The following WRNIP1 variants were observed in gnomAD, a reference collection of about 807,000 sequenced individuals.
WRNIP1 encodes ATPase WRNIP1.
In WRNIP1, 41 loss-of-function variants were observed where a neutral mutation model predicts 56.1. The observed-to-expected ratio is 0.73, with a 90% CI of 0.57 to 0.95. The LOEUF (loss-of-function observed/expected upper bound fraction) is 0.95, where lower values mean the gene tolerates loss of function less well. WRNIP1 is among the 40% of genes least tolerant of loss of function. The pLI, the probability that WRNIP1 is intolerant of heterozygous loss-of-function variation, is 0.00. For missense variants in WRNIP1, 1,170 were observed against 939.4 expected, an observed-to-expected ratio of 1.25 and a Z score of -3.21; for synonymous variants, 547 against 398.1, an observed-to-expected ratio of 1.37 and a Z score of -4.45.
At chr6:2,773,817 G>A (rs1765368792) in intron 3 of WRNIP1, 1 of 967,786 alleles carries the variant, frequency 1.0e-6, no homozygotes, top group Non-Finnish European at 1.2e-6. Context: ...AGTCTTTGGA[G>A]ATCAAGAGAG....
intron 5 of WRNIP1, 26 bp downstream of exon 5, chr6:2,783,587 G>A (rs1189697700): frequency 2.3e-6 from 3 of 1,324,606 alleles, no homozygotes; most frequent in Non-Finnish European, 3.0e-6. Context: ...GGGTCCCGGA[G>A]TCCTATGTCC....
At chr6:2,776,021 A>G (rs188316982) in intron 3 of WRNIP1, among the ~76,000 whole-genome samples, 17 of 152,250 alleles carry the variant, frequency 1.1e-4, no homozygotes, top group South Asian at 2.1e-4. Context: ...ATTTTAATAT[A>G]TGCTTAAATT....
intron 3 of WRNIP1, among the ~76,000 whole-genome samples, chr6:2,771,727 C>A (rs1256523130): frequency 6.6e-6 from 1 of 152,066 alleles, no homozygotes; most frequent in Non-Finnish European, 1.5e-5. Context: ...AAATTCAGAC[C>A]ACTTCTGGTC....
At chr6:2,771,763 CAT>C (rs1446634949) in intron 3 of WRNIP1, among the ~76,000 whole-genome samples, 6 of 152,162 alleles carry the variant, frequency 3.9e-5, no homozygotes, top group African/African-American at 1.4e-4. Flanking sequence ...GTGGGATACT[CAT>C]GTGTAGGTTT....
rs148910619 is a variant in WRNIP1 at position 2,766,326 on chromosome 6, C to T, written c.704C>T (p.Thr235Met). Residue 235 changes from threonine to methionine, a missense_variant, in exon 1 of 7, where the codon ACG (threonine) becomes ATG (methionine). Physicochemically the swap from Thr to Met is moderately conservative, Grantham distance 81. Coordinates refer to ENST00000380773, the MANE Select transcript of WRNIP1 (RefSeq NM_020135.3). ...KPLADTMRPDTLQDYFGQSKA... is the reference protein window; with the variant it reads ...KPLADTMRPDMLQDYFGQSKA... ...CTGGCCGACACGATGCGTCCTGACA[C>T]GCTGCAGGATTACTTCGGGCAGAGC... 26 of 1,610,738 alleles carry T rather than the reference C, an allele frequency of 1.6e-5. No homozygotes were observed. The African/African-American group carries it at 1.9e-4, about 12-fold the overall frequency.
rs760033134 is a variant in WRNIP1 at position 2,768,761 on chromosome 6, C to T, written c.893C>T (p.Thr298Ile). Residue 298 changes from threonine to isoleucine, a missense_variant, in exon 2 of 7, where the codon ACA (threonine) becomes ATA (isoleucine). Physicochemically the swap from Thr to Ile is moderately conservative, Grantham distance 89 (BLOSUM62 -1). Transcript: ENST00000380773. ...ATAAGGTTTGTGACATTATCTGCAA[C>T]AAATGCCAAGACAAATGATGTGCGA... ...HSIRFVTLSA[T>I]NAKTNDVRDV... The T allele has an allele frequency of 5.0e-6, 8 of 1,613,804 alleles. No homozygotes were observed. Among genetic ancestry groups the T allele is most frequent in the Non-Finnish European group, 6.8e-6 (8 of 1,179,820 alleles).
In WRNIP1 at chr6:2,786,138, A is replaced by G. The variant is rs900744393; in HGVS notation, c.*856A>G. ...ACTTCCTCTCCCTCTCCTTAGTTGCATGTCGTGCATATGCCCACAAGGATG... is the reference window on the plus strand; with the variant it reads ...ACTTCCTCTCCCTCTCCTTAGTTGCGTGTCGTGCATATGCCCACAAGGATG... On this transcript the variant is annotated 3_prime_UTR_variant, in exon 7 of 7. Transcript: ENST00000380773. The G allele has an allele frequency of 1.3e-5, 2 of 152,244 alleles. No homozygotes were observed. Among genetic ancestry groups the G allele is most frequent in the African/African-American group, 4.8e-5 (2 of 41,424 alleles). The allele number at this position is 152,244 out of a possible 1,614,324, so 9.4% of individuals were successfully genotyped here.
At position 2,766,452 on chromosome 6, in the gene WRNIP1, C is replaced by A. The variant is rs759014200; in HGVS notation, c.822+8C>A. ...CCGCCGGGCTGCGGCAAGGTGAGTG[C>A]GGCCTTGGCCGTTGGGCTTCCGTAG... is the stretch of plus-strand genomic sequence containing the variant. On this transcript the variant is annotated splice_region_variant and intron_variant, in intron 1 of 6. Coordinates refer to ENST00000380773, the MANE Select transcript of WRNIP1 (RefSeq NM_020135.3). 2 of 1,510,000 alleles carry A rather than the reference C, an allele frequency of 1.3e-6. No individual in the cohort carries two copies. Among genetic ancestry groups the A allele is most frequent in the Non-Finnish European group, 1.8e-6 (2 of 1,117,558 alleles). 93.5% of individuals were successfully genotyped at this position (1,510,000 alleles called of 1,614,324 possible).
chr6:2,766,051 G>T lies in WRNIP1; in HGVS notation c.429G>T (p.Pro143=), dbSNP rs1253855668. ...SPGRKGSGKR[P]AAAAAAGSAS... ...GGAGGAAGGGGTCGGGGAAGAGGCC[G>T]GCGGCCGCCGCCGCGGCGGGGAGCG... Residue 143 remains proline, a synonymous_variant, in exon 1 of 7, where the codon CCG becomes CCT. Transcript: ENST00000380773. 1.5e-5 allele frequency: 19 copies of T among 1,295,442 alleles called. 1 individual carries two copies. The highest frequency in any genetic ancestry group is 2.9e-4 in the Middle Eastern group (1 of 3,400). 80.2% of individuals were successfully genotyped at this position (1,295,442 alleles called of 1,614,324 possible). A position where few individuals can be genotyped will look rare whatever the true frequency, so the allele number is the denominator to read the frequency against.
In WRNIP1 at chr6:2,766,415, A is replaced by C; in HGVS notation, c.793A>C (p.Ile265Leu). 6.3e-7 allele frequency: 1 copy of C among 1,596,698 alleles called. No homozygotes were observed. Among genetic ancestry groups the C allele is most frequent in the Non-Finnish European group, 8.5e-7 (1 of 1,169,766 alleles). Residue 265 changes from isoleucine (I) to leucine (L), a missense_variant, in exon 1 of 7, where the codon ATC (isoleucine) becomes CTC (leucine). By Grantham distance (5) the Ile-to-Leu change is conservative (BLOSUM62 2). Coordinates refer to ENST00000380773, the MANE Select transcript of WRNIP1 (RefSeq NM_020135.3). ...LLETNEIPSL[I>L]LWGPPGCGKT... ...GGAGACCAACGAAATCCCCTCGCTT[A>C]TCCTGTGGGGGCCGCCGGGCTGCGG...
At chr6:2,780,241 C>T (rs980559365) in intron 4 of WRNIP1, among the ~76,000 whole-genome samples, 3 of 152,198 alleles carry the variant, frequency 2.0e-5, no homozygotes, top group Non-Finnish European at 4.4e-5. Context: ...AATATAATTT[C>T]CACACTTTTC....
At chr6:2,769,928 T>G (rs190563020) in intron 2 of WRNIP1, among the ~76,000 whole-genome samples, 192 bp from the exon 3 acceptor site, 3 of 152,304 alleles carry the variant, frequency 2.0e-5, no homozygotes, top group Admixed American at 6.5e-5. Flanking sequence ...AGAAGATGTG[T>G]TTCAGACTTA....
In WRNIP1 at chr6:2,785,372, G is replaced by T; in HGVS notation, c.*90G>T. On this transcript the variant is annotated 3_prime_UTR_variant, in exon 7 of 7. Transcript: ENST00000380773. ...GGATTGCAAAGTTGGTTGCCTGGTG[G>T]AAGTTAGAACAGACCAACATTTTGT... 1 of 1,494,054 alleles carries T rather than the reference G, an allele frequency of 6.7e-7. No homozygotes were observed. Among genetic ancestry groups the T allele is most frequent in the Non-Finnish European group, 9.0e-7 (1 of 1,105,506 alleles). 92.5% of individuals were successfully genotyped at this position (1,494,054 alleles called of 1,614,324 possible). A position where few individuals can be genotyped will look rare whatever the true frequency, so the allele number is the denominator to read the frequency against.
At position 2,784,844 on chromosome 6, in the gene WRNIP1, C is replaced by T. The variant is rs186108148; in HGVS notation, c.1723-163C>T. 2.1e-3 allele frequency among the ~76,000 whole-genome samples: 321 copies of T among 152,258 alleles called. 1 individual carries two copies. The highest frequency in any genetic ancestry group is 7.3e-3 in the African/African-American group (303 of 41,540). ...TCGTTTCACCTCATGAGAATTTCTT[C>T]TGTCTGTCGTAGGTGGTTATCCAGA... On this transcript the variant is annotated intron_variant, in intron 6 of 6. Coordinates refer to ENST00000380773, the MANE Select transcript of WRNIP1 (RefSeq NM_020135.3).
rs920997178 is a variant in WRNIP1, at chr6:2,766,038, C to T, written c.416C>T (p.Ser139Leu). Residue 139 changes from serine (S) to leucine (L), a missense_variant, in exon 1 of 7, where the codon TCG (serine) becomes TTG (leucine). Ser to Leu is a moderately radical substitution (Grantham distance 145). Coordinates refer to ENST00000380773, the MANE Select transcript of WRNIP1 (RefSeq NM_020135.3). ...ARSSSPGRKG[S>L]GKRPAAAAAA... ...TCCAGCAGCCCCGGGAGGAAGGGGT[C>T]GGGGAAGAGGCCGGCGGCCGCCGCC... is the stretch of plus-strand genomic sequence containing the variant. 1 of 1,303,650 alleles carries T rather than the reference C, an allele frequency of 7.7e-7. No individual in the cohort carries two copies. The highest frequency in any genetic ancestry group is 9.7e-7 in the Non-Finnish European group (1 of 1,030,720). The allele number at this position is 1,303,650 out of a possible 1,614,324, so 80.8% of individuals were successfully genotyped here.
intron 4 of WRNIP1, among the ~76,000 whole-genome samples, chr6:2,780,899 ACACT>A (rs1307169519): frequency 6.6e-6 from 1 of 152,192 alleles, no homozygotes; most frequent in Non-Finnish European, 1.5e-5. Flanking sequence ...GCATTCACTA[ACACT>A]CAGCCATTGA....
intron 3 of WRNIP1, among the ~76,000 whole-genome samples, chr6:2,772,317 G>T (rs1765316569): frequency 6.6e-6 from 1 of 152,144 alleles, no homozygotes; most frequent in South Asian, 2.1e-4. Context: ...TCCAGTAAAT[G>T]ATTTACTATT....
rs1294832293 is a variant in WRNIP1, at chr6:2,768,752, T to C, written c.884T>C (p.Leu295Ser). The change falls in exon 2 of 7, where the codon TTA becomes TCA. Residue 295 changes from leucine to serine, a missense_variant. Coordinates refer to ENST00000380773, the MANE Select transcript of WRNIP1 (RefSeq NM_020135.3). ...SKKHSIRFVTLSATNAKTNDV... is the reference protein window; with the variant it reads ...SKKHSIRFVTSSATNAKTNDV... ...AAACATAGCATAAGGTTTGTGACAT[T>C]ATCTGCAACAAATGCCAAGACAAAT... The C allele has an allele frequency of 1.2e-6, 2 of 1,614,042 alleles. No homozygotes were observed. The highest frequency in any genetic ancestry group is 8.5e-7 in the Non-Finnish European group (1 of 1,179,940).
At chr6:2,783,304 C>T (rs1765613070) in intron 4 of WRNIP1, 102 bp from the exon 5 acceptor site, 2 of 1,326,018 alleles carry the variant, frequency 1.5e-6, no homozygotes, top group African/African-American at 3.0e-5. Flanking sequence ...TTCTCAGGGC[C>T]TTTATTCGTT....
Sources: gnomAD v4.1 joint callset for allele counts (sites outside exome capture counted in the v4.1 genomes callset) on GRCh38, gnomAD v4.1.1 for gene constraint, MANE v1.5 for transcripts, NCBI Gene and HGNC (gene_info 2026-07-23, HGNC 2026-07-21) for gene names.